LUZP2: variants seen among roughly 807,000 people sequenced by gnomAD.
The protein encoded by LUZP2 is leucine zipper protein 2.
In LUZP2, 52 loss-of-function variants were observed where a neutral mutation model predicts 51.6. That is an observed-to-expected ratio of 1.01 (90% confidence interval 0.81 to 1.27). The LOEUF (loss-of-function observed/expected upper bound fraction) is 1.27, where lower values mean the gene tolerates loss of function less well. Ranked by LOEUF, LUZP2 falls within the 50% of genes most tolerant of loss-of-function variation. The probability of loss-of-function intolerance (pLI) is 0.00; values close to 1 mark genes in which losing one functional copy is unlikely to be tolerated. For missense variants in LUZP2, 436 were observed against 395.4 expected (o/e 1.10, Z -0.87); for synonymous variants, 154 against 137.3 (o/e 1.12, Z -0.85).
chr11:24,567,085 C>T (rs1852271289), intron 1 of LUZP2, among the ~76,000 whole-genome samples: 1 of 149,396 alleles, frequency 6.7e-6, no homozygotes, highest in African/African-American at 2.5e-5. Context: ...TTGTGATCTG[C>T]CTGCCTCGGT....
chr11:24,846,284 A>G (rs1851195861), intron 5 of LUZP2, among the ~76,000 whole-genome samples: 1 of 152,110 alleles, frequency 6.6e-6, no homozygotes, highest in African/African-American at 2.4e-5. Flanking sequence ...GAATATTGAT[A>G]ATCTGTTTCC....
chr11:24,541,226 C>G (rs376632033), intron 1 of LUZP2, among the ~76,000 whole-genome samples: 32 of 138,332 alleles, frequency 2.3e-4, no homozygotes, highest in African/African-American at 7.9e-4. Context: ...GCACTCCAGC[C>G]TGGGGGACAA....
chr11:24,598,670 G>T (rs750321177), intron 1 of LUZP2, among the ~76,000 whole-genome samples: 2 of 152,088 alleles, frequency 1.3e-5, no homozygotes, highest in African/African-American at 2.4e-5. Context: ...TATTAATAAA[G>T]ATGACTCCAA....
chr11:24,977,884 T>G (rs1160170842), intron 8 of LUZP2, among the ~76,000 whole-genome samples: 1 of 150,428 alleles, frequency 6.6e-6, no homozygotes, highest in East Asian at 1.9e-4. Context: ...GCTTCTATTG[T>G]TTTTAATTTT....
chr11:24,736,461 A>C (rs1345050920), intron 3 of LUZP2, among the ~76,000 whole-genome samples: 1 of 149,718 alleles, frequency 6.7e-6, no homozygotes, highest in African/African-American at 2.5e-5. Context: ...GTTTGGGATA[A>C]CATGTAGGTC....
intron 11 of LUZP2, among the ~76,000 whole-genome samples, chr11:25,077,787 C>T (rs562072431): frequency 8.6e-4 from 131 of 152,194 alleles, no homozygotes; most frequent in African/African-American, 1.1e-3. Context: ...TGAGCCACCG[C>T]GCCCGACCAG....
At position 24,859,432 on chromosome 11, in the gene LUZP2, C is replaced by T. The variant is rs983068067; in HGVS notation, c.397-46559C>T. 7.9e-5 allele frequency among the ~76,000 whole-genome samples: 12 copies of T among 152,136 alleles called. No homozygotes were observed. The South Asian group carries it at 8.3e-4, about 11-fold the overall frequency. On this transcript the variant is annotated intron_variant, in intron 5 of 11. Coordinates refer to ENST00000336930, the MANE Select transcript of LUZP2 (RefSeq NM_001009909.4). ...TGAATCACAGATGTAAATGTAAGAC[C>T]TAAAACTATACAATTTTAAAAATGG...
chr11:24,659,786 T>C (rs760319722), intron 1 of LUZP2, among the ~76,000 whole-genome samples: 8 of 152,124 alleles, frequency 5.3e-5, no homozygotes, highest in Non-Finnish European at 1.2e-4. Context: ...GCATATAATA[T>C]GGTAGGAAGG....
chr11:24,977,175 T>C (rs1278076632), intron 8 of LUZP2, among the ~76,000 whole-genome samples: 1 of 151,676 alleles, frequency 6.6e-6, no homozygotes, highest in Non-Finnish European at 1.5e-5. Context: ...CTGTTTACTG[T>C]AAGATAATTA....
At chr11:24,972,149 A>AAC (rs569154485) in intron 7 of LUZP2, among the ~76,000 whole-genome samples, 1,876 of 150,250 alleles carry the variant, frequency 0.012, 40 homozygotes, top group Middle Eastern at 0.028. Context: ...GAAAAAAAAA[A>AAC]AAAAAAAAAA....
intron 9 of LUZP2, among the ~76,000 whole-genome samples, chr11:24,993,971 C>T (rs1325199927): frequency 6.6e-6 from 1 of 152,194 alleles, no homozygotes; most frequent in African/African-American, 2.4e-5. Context: ...AGTGATTCTC[C>T]TGCCTCAGCC....
chr11:25,033,358 C>T (rs1182826922), intron 9 of LUZP2, among the ~76,000 whole-genome samples: 1 of 152,006 alleles, frequency 6.6e-6, no homozygotes, highest in Non-Finnish European at 1.5e-5. Flanking sequence ...AGTTAGTGAC[C>T]ATTTAGGTTT....
rs60530495 is a variant in LUZP2 at position 24,984,549 on chromosome 11, T to TATATATATAAAA, written c.765+1257_765+1258insTATATATAAAAA. 3.0e-3 allele frequency among the ~76,000 whole-genome samples: 216 copies of TATATATATAAAA among 71,202 alleles called. 2 individuals carry two copies. The highest frequency in any genetic ancestry group is 8.7e-3 in the African/African-American group (182 of 20,870). 46.7% of individuals were successfully genotyped at this position (71,202 alleles called of 152,430 possible). On this transcript the variant is annotated intron_variant, in intron 9 of 11. Coordinates refer to ENST00000336930, the MANE Select transcript of LUZP2 (RefSeq NM_001009909.4). ...TTATATATATATATATATATATATA[T>TATATATATAAAA]AATTGTGAATTTTAAAAGCCACAAG... is the stretch of plus-strand genomic sequence containing the variant.
At chr11:24,597,932 C>T (rs1853496736) in intron 1 of LUZP2, among the ~76,000 whole-genome samples, 2 of 151,984 alleles carry the variant, frequency 1.3e-5, no homozygotes, top group Non-Finnish European at 2.9e-5. Context: ...TGAACCCAGT[C>T]TCTACTAAAG....
At chr11:24,736,383 A>G (rs1018892003) in intron 3 of LUZP2, among the ~76,000 whole-genome samples, 5 of 151,996 alleles carry the variant, frequency 3.3e-5, no homozygotes, top group African/African-American at 9.7e-5. Flanking sequence ...CATTTTAATT[A>G]TAACTTTATT....
At chr11:24,623,665 G>T (rs1854580179) in intron 1 of LUZP2, among the ~76,000 whole-genome samples, 1 of 152,064 alleles carries the variant, frequency 6.6e-6, no homozygotes, top group Admixed American at 6.6e-5. Flanking sequence ...GGCCAACATG[G>T]TGAAACCCCC....
chr11:24,878,560 C>A (rs999729775), intron 5 of LUZP2, among the ~76,000 whole-genome samples: 2 of 152,024 alleles, frequency 1.3e-5, no homozygotes, highest in Non-Finnish European at 2.9e-5. Flanking sequence ...GTTCTATAAC[C>A]TTCTTGTACT....
rs1387344441 is a variant in LUZP2, at chr11:24,816,004, TTTAA to T, written c.396+52697_396+52700del. On this transcript the variant is annotated intron_variant, in intron 5 of 11. Coordinates refer to ENST00000336930, the MANE Select transcript of LUZP2 (RefSeq NM_001009909.4). ...CTTTCATCTCTTATCTTCTTTTTTT[TTTAA>T]AAAAAAAAAAAAAAGACTTTTATCA... Among the ~76,000 whole-genome samples, 57 of 18,582 alleles carry T rather than the reference TTTAA, an allele frequency of 3.1e-3. No individual in the cohort carries two copies. In the East Asian group the frequency reaches 0.04, roughly 13 times the overall value. The allele number at this position is 18,582 out of a possible 152,430, so 12.2% of individuals were successfully genotyped here. A position where few individuals can be genotyped will look rare whatever the true frequency, so the allele number is the denominator to read the frequency against.
At chr11:24,921,488 A>G (rs1854052418) in intron 7 of LUZP2, among the ~76,000 whole-genome samples, 1 of 152,148 alleles carries the variant, frequency 6.6e-6, no homozygotes, top group Non-Finnish European at 1.5e-5. Context: ...GGGAATTGCC[A>G]TGTTGTCCAT....
Sources: gnomAD v4.1 joint callset for allele counts (sites outside exome capture counted in the v4.1 genomes callset) on GRCh38, gnomAD v4.1.1 for gene constraint, MANE v1.5 for transcripts, NCBI Gene and HGNC (gene_info 2026-07-23, HGNC 2026-07-21) for gene names.